Variants in SCHIP1 observed in about 807,000 individuals in gnomAD.
SCHIP1 encodes schwannomin-interacting protein 1.
Under a neutral mutation model 29.7 loss-of-function variants are expected in SCHIP1, and 8 were observed. That is an observed-to-expected ratio of 0.27 (90% confidence interval 0.16 to 0.49). The LOEUF is 0.49. SCHIP1 is among the 20% of genes least tolerant of loss of function. SCHIP1 has a pLI of 0.99. For synonymous variants in SCHIP1, 76 were observed against 94.9 expected (o/e 0.80, Z 1.16); for missense variants, 193 against 294.6 (o/e 0.66, Z 2.52).
the SCHIP1 span, among the ~76,000 whole-genome samples, chr3:159,305,113 T>C: frequency 2.5e-4 from 38 of 152,286 alleles, no homozygotes; most frequent in African/African-American, 5.1e-4. Flanking sequence ...CTGCCTCACC[T>C]TTCTACTGCC....
At chr3:159,383,152 T>A in the SCHIP1 span, among the ~76,000 whole-genome samples, 1,838 of 150,560 alleles carry the variant, frequency 0.012, 21 homozygotes, top group Non-Finnish European at 0.017. Context: ...TTGCCATTGC[T>A]TTTGGTGTTT....
At chr3:159,666,407 C>T in the SCHIP1 span, among the ~76,000 whole-genome samples, 1 of 152,224 alleles carries the variant, frequency 6.6e-6, no homozygotes. Flanking sequence ...GCTATCAAGA[C>T]TTCTAAGTTA....
chr3:159,794,906 G>A, the SCHIP1 span, among the ~76,000 whole-genome samples: 63 of 152,284 alleles, frequency 4.1e-4, no homozygotes, highest in Middle Eastern at 3.4e-3. Flanking sequence ...ATGGGTGGAG[G>A]CGGGGTGATG....
At chr3:159,277,402 A>G in the SCHIP1 span, among the ~76,000 whole-genome samples, 3 of 152,236 alleles carry the variant, frequency 2.0e-5, no homozygotes, top group Admixed American at 2.0e-4. Flanking sequence ...TTTTGTTAAG[A>G]TTCCTGGAAA....
chr3:159,572,876 CTT>C, the SCHIP1 span, among the ~76,000 whole-genome samples: 1 of 150,076 alleles, frequency 6.7e-6, no homozygotes, highest in African/African-American at 2.4e-5. Context: ...GGCTTTGTCT[CTT>C]TTGATCTTTG....
chr3:159,699,004 C>A, the SCHIP1 span, among the ~76,000 whole-genome samples: 1 of 152,164 alleles, frequency 6.6e-6, no homozygotes, highest in Non-Finnish European at 1.5e-5. Context: ...TCCTCAAAAA[C>A]ATTTTATTAC....
At chr3:159,273,970 A>T in the SCHIP1 span, 6 of 1,552,508 alleles carry the variant, frequency 3.9e-6, no homozygotes, top group Non-Finnish European at 5.2e-6. Context: ...GAACTAAGTA[A>T]CTTTAAATTT....
At chr3:159,869,915 A>C (rs1472345943) in intron 2 of SCHIP1, among the ~76,000 whole-genome samples, 1 of 151,818 alleles carries the variant, frequency 6.6e-6, no homozygotes, top group Admixed American at 6.6e-5. Context: ...TGTTATATTT[A>C]TTTCTTTCTT....
At chr3:159,366,247 A>G in the SCHIP1 span, among the ~76,000 whole-genome samples, 1 of 152,080 alleles carries the variant, frequency 6.6e-6, no homozygotes, top group African/African-American at 2.4e-5. Flanking sequence ...TCAGAGCGAG[A>G]GCTCACTTAC....
the SCHIP1 span, among the ~76,000 whole-genome samples, chr3:159,586,421 A>T: frequency 1.3e-5 from 2 of 152,196 alleles, no homozygotes; most frequent in Admixed American, 6.5e-5. Flanking sequence ...TATGCTTAGA[A>T]TTGAAAGAAT....
At chr3:159,875,610 A>G (rs1715723743) in intron 2 of SCHIP1, among the ~76,000 whole-genome samples, 1 of 152,232 alleles carries the variant, frequency 6.6e-6, no homozygotes, top group African/African-American at 2.4e-5. Context: ...ATGTGTCTAG[A>G]CACACACAGT....
chr3:159,751,573 C>T, the SCHIP1 span, among the ~76,000 whole-genome samples: 3 of 146,578 alleles, frequency 2.0e-5, no homozygotes, highest in Non-Finnish European at 3.0e-5. Context: ...GAGACGGAGT[C>T]TCACCCTGTC....
chr3:159,843,371 T>C (rs868700744), intron 1 of SCHIP1, among the ~76,000 whole-genome samples: 2 of 152,138 alleles, frequency 1.3e-5, no homozygotes. Flanking sequence ...TTTATCATAG[T>C]ACATATTTTA....
chr3:159,431,906 C>A, the SCHIP1 span, among the ~76,000 whole-genome samples: 1 of 151,854 alleles, frequency 6.6e-6, no homozygotes, highest in East Asian at 1.9e-4. Flanking sequence ...TGGAAGTCTG[C>A]AAAATGAGAT....
the SCHIP1 span, among the ~76,000 whole-genome samples, chr3:159,327,123 G>C: frequency 6.6e-6 from 1 of 152,186 alleles, no homozygotes; most frequent in Non-Finnish European, 1.5e-5. Context: ...ACCTGCTCTA[G>C]AAGCTGTTAA....
the SCHIP1 span, among the ~76,000 whole-genome samples, chr3:159,471,366 G>C: frequency 1.3e-5 from 2 of 152,094 alleles, no homozygotes; most frequent in Non-Finnish European, 2.9e-5. Flanking sequence ...AAATGAGGAA[G>C]AGAAAGATTC....
chr3:159,818,507 C>T, the SCHIP1 span, among the ~76,000 whole-genome samples: 3 of 152,236 alleles, frequency 2.0e-5, no homozygotes, highest in Non-Finnish European at 4.4e-5. Context: ...CGTGGTAGAG[C>T]ACTGCCTGGG....
chr3:159,861,003 C>A lies in SCHIP1; in HGVS notation c.31-5160C>A, dbSNP rs1251312408. Reference sequence around the variant, plus strand: ...CCTAAGCACCAGATGGCTTTAGGTTCAGGTTTAGGATGTTATTTCCTGAAG... The same window carrying A: ...CCTAAGCACCAGATGGCTTTAGGTTAAGGTTTAGGATGTTATTTCCTGAAG... On this transcript the variant is annotated intron_variant, in intron 1 of 6. Transcript: ENST00000445224. The surrounding 1 kb of genome is among the most constrained non-coding windows in gnomAD (Gnocchi z 4.1). Among the ~76,000 whole-genome samples the A allele has an allele frequency of 6.6e-6, 1 of 152,114 alleles. No individual in the cohort carries two copies. Among genetic ancestry groups the A allele is most frequent in the Non-Finnish European group, 1.5e-5 (1 of 68,016 alleles).
chr3:159,392,748 T>C, the SCHIP1 span, among the ~76,000 whole-genome samples: 2 of 152,098 alleles, frequency 1.3e-5, no homozygotes, highest in Admixed American at 1.3e-4. Context: ...GTCTTTGCTA[T>C]TGTGAATAGA....
Sources: allele counts gnomAD v4.1 joint callset (sites outside exome capture counted in the v4.1 genomes callset), GRCh38; gene constraint gnomAD v4.1.1; non-coding constraint Gnocchi (gnomAD v3.1); transcripts MANE v1.5; gene names NCBI Gene and HGNC (gene_info 2026-07-23, HGNC 2026-07-21).